Variants in ARRB2 observed in about 807,000 individuals in gnomAD.
ARRB2 encodes the protein arrestin beta 2.
Under a neutral mutation model 53.4 loss-of-function variants are expected in ARRB2, and 21 were observed. The ratio of observed to expected loss-of-function variants is 0.39; its 90% CI spans 0.28 to 0.57. The LOEUF is 0.57. ARRB2 is among the 20% of genes least tolerant of loss of function. The pLI is 0.55. For synonymous variants in ARRB2, 180 were observed against 212.9 expected (o/e 0.85, Z 1.34); for missense variants, 369 against 527.5 (o/e 0.70, Z 2.94).
In ARRB2 at chr17:4,716,609, G is replaced by T; in HGVS notation, c.357+1G>T. ...GCATGCCCACCCCTTCTTCTTCACC[G>T]TGAGGATGCCCCTGCCCTCTGAGGG... On this transcript the variant is annotated splice_donor_variant, in intron 5 of 14. Transcript: ENST00000269260. LOFTEE classifies it high-confidence loss of function. The T allele has an allele frequency of 6.8e-7, 1 of 1,480,558 alleles. No individual in the cohort carries two copies. Among genetic ancestry groups the T allele is most frequent in the Non-Finnish European group, 9.1e-7 (1 of 1,104,766 alleles). 91.7% of individuals were successfully genotyped at this position (1,480,558 alleles called of 1,614,324 possible).
intron 1 of ARRB2, 36 bp downstream of exon 1, chr17:4,710,780 G>A: frequency 5.0e-6 from 2 of 398,622 alleles, no homozygotes. Flanking sequence ...GGGCATGGGC[G>A]GCGGCTCGGG....
chr17:4,716,250 C>G, intron 4 of ARRB2, 59 bp downstream of exon 4: 1 of 1,612,054 alleles, frequency 6.2e-7, no homozygotes, highest in Non-Finnish European at 8.5e-7. Flanking sequence ...GTGAAATGGG[C>G]TGGCCTTGGA....
Position 4,718,045 on chromosome 17 carries a change from C to T in ARRB2, c.621+22C>T, listed in dbSNP as rs36056585. Reference sequence around the variant, plus strand: ...GGAGGTGGGGCGTGAGAGGGTGACACGGATGCCACGGTGCAGTTTAGACCC... The same window carrying T: ...GGAGGTGGGGCGTGAGAGGGTGACATGGATGCCACGGTGCAGTTTAGACCC... On this transcript the variant is annotated intron_variant, in intron 8 of 14. Coordinates refer to ENST00000269260, the MANE Select transcript of ARRB2 (RefSeq NM_004313.4). The T allele has an allele frequency of 2.1e-3, 3,428 of 1,611,908 alleles. 52 individuals are homozygous for T. The African/African-American group carries it at 0.034, about 16-fold the overall frequency.
intron 1 of ARRB2, among the ~76,000 whole-genome samples, chr17:4,711,456 C>T (rs1010041732): frequency 6.6e-6 from 1 of 152,114 alleles, no homozygotes; most frequent in African/African-American, 2.4e-5. Flanking sequence ...TGTTGTGACT[C>T]AACACCCCCA....
Position 4,717,985 on chromosome 17 carries a change from G to C in ARRB2, c.583G>C (p.Asp195His). The C allele has an allele frequency of 6.2e-7, 1 of 1,613,688 alleles. No individual in the cohort carries two copies. The highest frequency in any genetic ancestry group is 8.5e-7 in the Non-Finnish European group (1 of 1,180,034). The change falls in exon 8 of 15, where the codon GAC becomes CAC. Residue 195 changes from aspartate to histidine, a missense_variant. Asp to His is a moderately conservative substitution (Grantham distance 81). Transcript: ENST00000269260. The surrounding 1 kb of genome is among the most constrained non-coding windows in gnomAD (Gnocchi z 6.0). Reference protein sequence around the residue: ...AETTRHFLMSDRSLHLEASLD... With the variant: ...AETTRHFLMSHRSLHLEASLD... ...AACCACACGCCACTTCCTCATGTCT[G>C]ACCGGTCCCTGCACCTCGAGGCTTC...
intron 1 of ARRB2, 73 bp from the exon 2 acceptor site, chr17:4,714,940 G>A: frequency 1.3e-6 from 2 of 1,504,500 alleles, no homozygotes; most frequent in African/African-American, 2.7e-5. Flanking sequence ...AGGCCTGGGA[G>A]GGAGAGGGTC....
chr17:4,712,990 T>G (rs1914576717), intron 1 of ARRB2, among the ~76,000 whole-genome samples: 3 of 152,096 alleles, frequency 2.0e-5, no homozygotes, highest in Admixed American at 2.0e-4. Context: ...ATTAATTTAT[T>G]TATTTATTTA....
Position 4,720,942 on chromosome 17 carries a change from C to G in ARRB2, c.1137-4C>G. On this transcript the variant is annotated splice_region_variant and splice_polypyrimidine_tract_variant and intron_variant, in intron 14 of 14. Transcript: ENST00000269260. Reference sequence around the variant, plus strand: ...ACCTCACAACCCTCTTTCCCACCACCAAGCTATGCCACAGATGATGACATT... The same window carrying G: ...ACCTCACAACCCTCTTTCCCACCACGAAGCTATGCCACAGATGATGACATT... 6.2e-7 allele frequency: 1 copy of G among 1,613,872 alleles called. No homozygotes were observed. Among genetic ancestry groups the G allele is most frequent in the Non-Finnish European group, 8.5e-7 (1 of 1,179,814 alleles).
In ARRB2 at chr17:4,717,786, G is replaced by T. The variant is rs1471927758; in HGVS notation, c.485+34G>T. The T allele has an allele frequency of 6.2e-7, 1 of 1,601,896 alleles. No individual in the cohort carries two copies. The highest frequency in any genetic ancestry group is 8.5e-7 in the Non-Finnish European group (1 of 1,173,930). ...AGTGACCTCCTCTGTGGTGTAAGAG[G>T]AGGCTTTCCTCCCCGCTTCCAGGAG... On this transcript the variant is annotated intron_variant, in intron 7 of 14. Coordinates refer to ENST00000269260, the MANE Select transcript of ARRB2 (RefSeq NM_004313.4). The surrounding 1 kb of genome is among the most constrained non-coding windows in gnomAD (Gnocchi z 6.0).
Position 4,721,112 on chromosome 17 carries a change from TG to T in ARRB2, c.*78del. The T allele has an allele frequency of 4.2e-6, 6 of 1,442,958 alleles. No homozygotes were observed. Among genetic ancestry groups the T allele is most frequent in the South Asian group, 1.2e-5 (1 of 85,810 alleles). 89.4% of individuals were successfully genotyped at this position (1,442,958 alleles called of 1,614,324 possible). On this transcript the variant is annotated 3_prime_UTR_variant, in exon 15 of 15. Coordinates refer to ENST00000269260, the MANE Select transcript of ARRB2 (RefSeq NM_004313.4). This position sits in a 1 kb window ranked among gnomAD's most constrained non-coding sequence, Gnocchi z 4.2. ...GCAGGATTAAGATCCCCACTGTCAA[TG>T]GGGGATTGTCCCAGCCCCTCTTCCC...
chr17:4,714,529 A>C, intron 1 of ARRB2: 3 of 215,548 alleles, frequency 1.4e-5, no homozygotes, highest in Non-Finnish European at 9.1e-6. Flanking sequence ...TGGGGAGGGA[A>C]GGGGACGAAT....
At chr17:4,713,836 C>T (rs1314695046) in intron 1 of ARRB2, among the ~76,000 whole-genome samples, 1 of 149,478 alleles carries the variant, frequency 6.7e-6, no homozygotes, top group Non-Finnish European at 1.5e-5. Context: ...TGGTGGCTCA[C>T]TCCTGTAATC....
chr17:4,720,713 C>T (rs1369745099), intron 14 of ARRB2, 73 bp downstream of exon 14: 1 of 1,335,054 alleles, frequency 7.5e-7, no homozygotes, highest in African/African-American at 1.5e-5. Flanking sequence ...GCCCTCATAC[C>T]TCTTCCTTGC....
intron 1 of ARRB2, among the ~76,000 whole-genome samples, chr17:4,713,094 C>G (rs181018779): frequency 1.3e-5 from 2 of 152,204 alleles, no homozygotes; most frequent in Non-Finnish European, 2.9e-5. Flanking sequence ...CGGTGGCTCA[C>G]GCCTGTAATC....
intron 4 of ARRB2, 25 bp downstream of exon 4, chr17:4,716,216 C>T: frequency 6.2e-7 from 1 of 1,613,296 alleles, no homozygotes; most frequent in Non-Finnish European, 8.5e-7. Context: ...TCCAGGGGGC[C>T]CAGGGAAAGT....
chr17:4,718,702 C>T lies in ARRB2; in HGVS notation c.779+18C>T, dbSNP rs1214894233. On this transcript the variant is annotated intron_variant, in intron 10 of 14. Transcript: ENST00000269260. Reference sequence around the variant, plus strand: ...GAACAAGAGTGAGTATCGGGAGAGACCCATGTTCCAATCTAGGGGAGAAGA... The same window carrying T: ...GAACAAGAGTGAGTATCGGGAGAGATCCATGTTCCAATCTAGGGGAGAAGA... 2 of 1,609,578 alleles carry T rather than the reference C, an allele frequency of 1.2e-6. No individual in the cohort carries two copies. Among genetic ancestry groups the T allele is most frequent in the East Asian group, 4.5e-5 (2 of 44,822 alleles).
rs1247633427 is a variant in ARRB2 at position 4,720,264 on chromosome 17, C to T, written c.966C>T (p.Tyr322=). 1 of 1,613,850 alleles carries T rather than the reference C, an allele frequency of 6.2e-7. No individual in the cohort carries two copies. Among genetic ancestry groups the T allele is most frequent in the Non-Finnish European group, 8.5e-7 (1 of 1,179,972 alleles). ...AGGTGCTGGGAATCCTGGTGTCCTA[C>T]AGGGTCAAGGTGAAGCTGGTGGTGT... ...NKEVLGILVS[Y]RVKVKLVVSR... is the part of the protein sequence containing the mutation. Residue 322 remains tyrosine, a synonymous_variant, in exon 12 of 15, where the codon TAC becomes TAT. Transcript: ENST00000269260.
rs34923832 is a variant in ARRB2, at chr17:4,720,565, C to T, written c.1082-21C>T. On this transcript the variant is annotated intron_variant, in intron 13 of 14. Transcript: ENST00000269260. The stretch of plus-strand genomic sequence containing the variant: ...GCCCTTCCAGCACCCACCCCCACAC[C>T]CCCTCTTCCCGTCCCCCCAGCCGCT... 4.0e-3 allele frequency: 6,246 copies of T among 1,569,588 alleles called. 16 individuals carry two copies. The highest frequency in any genetic ancestry group is 4.9e-3 in the Non-Finnish European group (5,640 of 1,161,642).
intron 5 of ARRB2, 131 bp downstream of exon 5, chr17:4,716,739 A>T (rs1262815175): frequency 2.8e-6 from 4 of 1,437,838 alleles, no homozygotes; most frequent in Non-Finnish European, 3.6e-6. Context: ...ACTTCCCTTC[A>T]GGGTCCCAGT....
Sources: allele counts gnomAD v4.1 joint callset (sites outside exome capture counted in the v4.1 genomes callset), GRCh38; gene constraint gnomAD v4.1.1; non-coding constraint Gnocchi (gnomAD v3.1); transcripts MANE v1.5; gene names NCBI Gene and HGNC (gene_info 2026-07-23, HGNC 2026-07-21).